ATP8B3: variants seen among roughly 807,000 people sequenced by gnomAD.
ATP8B3 encodes ATPase phospholipid transporting 8B3.
In ATP8B3, 141 loss-of-function variants were observed where a neutral mutation model predicts 140.9. The ratio of observed to expected loss-of-function variants is 1.00; its 90% CI spans 0.87 to 1.15. The LOEUF (loss-of-function observed/expected upper bound fraction) is 1.15, where lower values mean the gene tolerates loss of function less well. Ranked by LOEUF, ATP8B3 falls within the 50% of genes most tolerant of loss-of-function variation. The pLI is 0.00. For missense variants in ATP8B3, 1,874 were observed against 1,740.6 expected (o/e 1.08, Z -1.36); for synonymous variants, 765 against 714.6 (o/e 1.07, Z -1.13).
intron 10 of ATP8B3, among the ~76,000 whole-genome samples, chr19:1,803,789 G>A (rs60279569): frequency 0.11 from 17,001 of 151,810 alleles, 1,110 homozygotes; most frequent in African/African-American, 0.17. Context: ...CCAGCTGCTC[G>A]GGAGGCTGAG....
rs1310067381 is a variant in ATP8B3 at position 1,791,989 on chromosome 19, C to G, written c.2190+12G>C. On this transcript the variant is annotated intron_variant, in intron 19 of 28. Coordinates refer to ENST00000310127, the MANE Select transcript of ATP8B3 (RefSeq NM_138813.4). The stretch of plus-strand genomic sequence containing the variant: ...CACCCACCCTGAGGTCCTGCTCCAT[C>G]TCGTTGTACACCTGTTGCAGGGCCT... 1 of 1,371,654 alleles carries G rather than the reference C, an allele frequency of 7.3e-7. No homozygotes were observed. 85.0% of individuals were successfully genotyped at this position (1,371,654 alleles called of 1,614,324 possible). A position where few individuals can be genotyped will look rare whatever the true frequency, so the allele number is the denominator to read the frequency against.
At position 1,796,180 on chromosome 19, in the gene ATP8B3, G is replaced by A. The variant is rs1250557441; in HGVS notation, c.1839C>T (p.Arg613=). 1 of 1,612,796 alleles carries A rather than the reference G, an allele frequency of 6.2e-7. No homozygotes were observed. The highest frequency in any genetic ancestry group is 8.5e-7 in the Non-Finnish European group (1 of 1,179,868). Residue 613 remains arginine, a synonymous_variant, in exon 17 of 29, where the codon CGC becomes CGT. Transcript: ENST00000310127. ...CCATGATCGTGACGGTGTCCTGGGT[G>A]CGGGACAGGAACACGTAGCCGAAGT... ...ARNFGYVFLS[R]TQDTVTIMEL... is the part of the protein sequence containing the mutation.
intron 28 of ATP8B3, among the ~76,000 whole-genome samples, chr19:1,784,332 A>G (rs143221496): frequency 6.6e-6 from 1 of 152,120 alleles, no homozygotes; most frequent in African/African-American, 2.4e-5. Flanking sequence ...TGGGCACCAT[A>G]ATGAGTCTCC....
intron 14 of ATP8B3, among the ~76,000 whole-genome samples, chr19:1,797,219 C>T (rs1036006574): frequency 6.6e-6 from 1 of 152,136 alleles, no homozygotes; most frequent in Non-Finnish European, 1.5e-5. Flanking sequence ...GGGAGCACAC[C>T]CATCCTGTCT....
Position 1,792,177 on chromosome 19 carries a change from G to A in ATP8B3, c.2056-42C>T, listed in dbSNP as rs764860230. 1.3e-5 allele frequency: 20 copies of A among 1,521,256 alleles called. No individual in the cohort carries two copies. The East Asian group carries it at 2.1e-4, about 16-fold the overall frequency. 94.2% of individuals were successfully genotyped at this position (1,521,256 alleles called of 1,614,324 possible). A position where few individuals can be genotyped will look rare whatever the true frequency, so the allele number is the denominator to read the frequency against. On this transcript the variant is annotated intron_variant, in intron 18 of 28. Transcript: ENST00000310127. ...TGGAAGCTGTCACCATGCTGAAGCC[G>A]ACATCCGAGGCTCAGCCCTCCCCAA... is the stretch of plus-strand genomic sequence containing the variant.
At position 1,802,019 on chromosome 19, in the gene ATP8B3, GTTC is replaced by G; in HGVS notation, c.1086_1088del (p.Lys362del). On this transcript the variant is annotated inframe_deletion, in exon 12 of 29. Transcript: ENST00000310127. The stretch of plus-strand genomic sequence containing the variant: ...TTCTCTTCAAATGGATCTTGCCACA[GTTC>G]TTCATAATTTTTGTGTCAAAACCTA... 1 of 1,612,144 alleles carries G rather than the reference GTTC, an allele frequency of 6.2e-7. No homozygotes were observed. Among genetic ancestry groups the G allele is most frequent in the Non-Finnish European group, 8.5e-7 (1 of 1,179,628 alleles).
intron 11 of ATP8B3, 80 bp downstream of exon 11, chr19:1,802,407 A>AAACCCCCCCCC: frequency 3.1e-6 from 1 of 318,102 alleles, no homozygotes; most frequent in Non-Finnish European, 6.0e-6. Flanking sequence ...CCACCCACCT[A>AAACCCCCCCCC]CCCACCCACC....
At chr19:1,795,750 A>G in intron 18 of ATP8B3, 125 bp downstream of exon 18, 1 of 945,138 alleles carries the variant, frequency 1.1e-6, no homozygotes, top group Admixed American at 2.2e-5. Context: ...TTCTCCGTAC[A>G]GTCTCCTCCC....
intron 16 of ATP8B3, among the ~76,000 whole-genome samples, 196 bp downstream of exon 16, chr19:1,796,515 C>T (rs998301204): frequency 6.6e-6 from 1 of 152,354 alleles, no homozygotes; most frequent in Non-Finnish European, 1.5e-5. Flanking sequence ...TCCGCCCTCC[C>T]GCCACGATGC....
Position 1,785,512 on chromosome 19 carries a change from G to T in ATP8B3, c.3350C>A (p.Ala1117Glu). 6.2e-7 allele frequency: 1 copy of T among 1,613,052 alleles called. No homozygotes were observed. Among genetic ancestry groups the T allele is most frequent in the Non-Finnish European group, 8.5e-7 (1 of 1,179,866 alleles). The change falls in exon 26 of 29, where the codon GCG (alanine) becomes GAG (glutamate). Residue 1117 changes from alanine to glutamate, a missense_variant. Physicochemically the swap from Ala to Glu is moderately radical, Grantham distance 107. Around this residue, in one of 3 missense-constraint regions of ATP8B3, gnomAD observed 840 missense variants for 760.9 expected, o/e 1.10. Coordinates refer to ENST00000310127, the MANE Select transcript of ATP8B3 (RefSeq NM_138813.4). ...PASFSDHQSF[A>E]VVVALSCLLS... is the part of the protein sequence containing the mutation. ...CAGGCAAGACAGGGCCACCACGACC[G>T]CAAAGGACTGGTGGTCGCTGAAGCT...
chr19:1,808,532 C>T (rs1043702967), intron 4 of ATP8B3, among the ~76,000 whole-genome samples, 197 bp from the exon 5 acceptor site: 1 of 149,794 alleles, frequency 6.7e-6, no homozygotes, highest in African/African-American at 2.6e-5. Flanking sequence ...CCAGCATTTA[C>T]TGAGCACCTG....
At position 1,802,630 on chromosome 19, in the gene ATP8B3, T is replaced by C; in HGVS notation, c.920A>G (p.Glu307Gly). 1.9e-6 allele frequency: 3 copies of C among 1,610,322 alleles called. No homozygotes were observed. Among genetic ancestry groups the C allele is most frequent in the Non-Finnish European group, 2.5e-6 (3 of 1,178,894 alleles). ...GTGGTGCATCCGACTGTTAGGCGCC[T>C]CACACGTCACTGTGCCTGTGGGTGG... is the stretch of plus-strand genomic sequence containing the variant. Reference protein sequence around the residue: ...MASFQGTVTCEAPNSRMHHFV... With the variant: ...MASFQGTVTCGAPNSRMHHFV... Residue 307 changes from glutamate (E) to glycine (G), a missense_variant, in exon 11 of 29, where the codon GAG becomes GGG. By Grantham distance (98) the Glu-to-Gly change is moderately conservative. Transcript: ENST00000310127.
At position 1,796,030 on chromosome 19, in the gene ATP8B3, T is replaced by C. The variant is rs555540575; in HGVS notation, c.1943-43A>G. ...CTGCTGCCCACAGAGGCTCCCCGTC[T>C]GCCCGCCCCACCTTGGGGGGCCCAG... On this transcript the variant is annotated intron_variant, in intron 17 of 28. Transcript: ENST00000310127. 1.0e-4 allele frequency: 168 copies of C among 1,611,592 alleles called. 1 individual carries two copies. In the East Asian group the frequency reaches 3.3e-3, roughly 32 times the overall value.
intron 16 of ATP8B3, 76 bp downstream of exon 16, chr19:1,796,620 GGAAGATGGGCCGGGT>G: frequency 6.8e-7 from 1 of 1,479,594 alleles, no homozygotes; most frequent in South Asian, 1.3e-5. Context: ...TGAAAGCCCT[GGAAGATGGGCCGGGT>G]GAGCTGCGGG....
Position 1,811,561 on chromosome 19 carries a change from C to T in ATP8B3, c.176G>A (p.Gly59Asp), listed in dbSNP as rs1360877961. Residue 59 changes from glycine to aspartate, a missense_variant, in exon 2 of 29, where the codon GGC becomes GAC. Physicochemically the swap from Gly to Asp is moderately conservative, Grantham distance 94 (BLOSUM62 -1). This residue lies in a region of ATP8B3 where 1,032 missense variants were observed against 963.6 expected (regional missense o/e 1.07). Coordinates refer to ENST00000310127, the MANE Select transcript of ATP8B3 (RefSeq NM_138813.4). ...GTGCCTCCTCTCAGGTGCCCCTCTG[C>T]CTGGGGAGTCTCCCATCCCAGCTCT... ...VIRAGMGDSP[G>D]RGAPERRHKA... 6.2e-7 allele frequency: 1 copy of T among 1,612,358 alleles called. No homozygotes were observed. The highest frequency in any genetic ancestry group is 1.3e-5 in the African/African-American group (1 of 75,066).
rs754408573 is a variant in ATP8B3, at chr19:1,808,331, T to C, written c.407A>G (p.Asn136Ser). ...GTTGTACTTGGCCGTGCGGATGACA[T>C]TGGTCTGGAACGAGAGCCGCGGGCT... ...LCWQRKKYKT[N>S]VIRTAKYNFY... Residue 136 changes from asparagine (N) to serine (S), a missense_variant, in exon 5 of 29, where the codon AAT (asparagine) becomes AGT (serine). Asn to Ser is a conservative substitution (Grantham distance 46). Transcript: ENST00000310127. 1.2e-6 allele frequency: 2 copies of C among 1,611,620 alleles called. No individual in the cohort carries two copies. The highest frequency in any genetic ancestry group is 1.7e-6 in the Non-Finnish European group (2 of 1,178,854).
chr19:1,784,716 C>A (rs907482418), intron 28 of ATP8B3, 103 bp downstream of exon 28: 50 of 1,405,178 alleles, frequency 3.6e-5, no homozygotes, highest in Non-Finnish European at 4.4e-5. Context: ...CTTGGAGGGC[C>A]GAGAGGGGCC....
At chr19:1,793,985 G>A (rs2068594914) in intron 18 of ATP8B3, among the ~76,000 whole-genome samples, 2 of 151,812 alleles carry the variant, frequency 1.3e-5, no homozygotes, top group African/African-American at 4.8e-5. Context: ...CAAATGATCT[G>A]CCCGCCTCCC....
chr19:1,810,911 G>T lies in ATP8B3; in HGVS notation c.249-228C>A, dbSNP rs934919379. ...CAAGATGATCCTCAAACCTGCAACA[G>T]CCCATCTGCCAGTGTCCCCCGCCAG... On this transcript the variant is annotated intron_variant, in intron 2 of 28. Transcript: ENST00000310127. Among the ~76,000 whole-genome samples, 5 of 152,066 alleles carry T rather than the reference G, an allele frequency of 3.3e-5. No homozygotes were observed. The South Asian group carries it at 8.3e-4, about 25-fold the overall frequency.
Sources: gnomAD v4.1 joint callset for allele counts (sites outside exome capture counted in the v4.1 genomes callset) on GRCh38, gnomAD v4.1.1 for gene constraint, gnomAD v4.1.1 regional missense constraint, MANE v1.5 for transcripts, NCBI Gene and HGNC (gene_info 2026-07-23, HGNC 2026-07-21) for gene names.